Variants in CDC16 observed in about 807,000 individuals in gnomAD.
CDC16 encodes the protein cell division cycle 16.
In CDC16, 34 loss-of-function variants were observed where a neutral mutation model predicts 87.0. The ratio of observed to expected loss-of-function variants is 0.39; its 90% CI spans 0.30 to 0.52. The LOEUF is 0.52. Among genes scored for constraint, CDC16 ranks in the 20% least tolerant of loss-of-function variants. The pLI is 0.74. For synonymous variants in CDC16, 263 were observed against 260.6 expected (o/e 1.01, Z -0.09); for missense variants, 653 against 751.9 (o/e 0.87, Z 1.54).
chr13:114,245,130 A>G (rs568097341), intron 9 of CDC16, among the ~76,000 whole-genome samples, 161 bp downstream of exon 9: 57 of 152,328 alleles, frequency 3.7e-4, no homozygotes, highest in Admixed American at 5.9e-4. Flanking sequence ...TGTTTAGGAA[A>G]GTAGCAAATG....
intron 11 of CDC16, among the ~76,000 whole-genome samples, chr13:114,250,344 T>C (rs1190979007): frequency 6.6e-6 from 1 of 151,996 alleles, no homozygotes; most frequent in Admixed American, 6.6e-5. Context: ...AATACAAAAT[T>C]AGCCGGGCAT....
At chr13:114,252,617 C>T (rs993834916) in intron 12 of CDC16, among the ~76,000 whole-genome samples, 4 of 150,102 alleles carry the variant, frequency 2.7e-5, no homozygotes, top group Non-Finnish European at 4.4e-5. Flanking sequence ...CATATTTCCC[C>T]TATGTATCAA....
In CDC16 at chr13:114,235,129, C is replaced by G; in HGVS notation, c.45C>G (p.Asp15Glu). 1 of 1,244,428 alleles carries G rather than the reference C, an allele frequency of 8.0e-7. No homozygotes were observed. The highest frequency in any genetic ancestry group is 1.0e-6 in the Non-Finnish European group (1 of 994,336). The allele number at this position is 1,244,428 out of a possible 1,614,324, so 77.1% of individuals were successfully genotyped here. A position where few individuals can be genotyped will look rare whatever the true frequency, so the allele number is the denominator to read the frequency against. ...RLRKRVRQYL[D>E]QQQYQSALFW... ...GGAAGCGCGTCCGGCAGTACCTCGA[C>G]CAGGTGGGCGGCCCCGACTCGGGGT... Residue 15 changes from aspartate (D) to glutamate (E), a missense_variant, in exon 1 of 18, where the codon GAC (aspartate) becomes GAG (glutamate). By Grantham distance (45) the Asp-to-Glu change is conservative. Coordinates refer to ENST00000356221, the MANE Select transcript of CDC16 (RefSeq NM_001078645.3).
rs1241535105 is a variant in CDC16, at chr13:114,235,142, C to A, written c.48+10C>A. ...GCAGTACCTCGACCAGGTGGGCGGC[C>A]CCGACTCGGGGTGCGGGGCCCAGGC... On this transcript the variant is annotated intron_variant, in intron 1 of 17. Coordinates refer to ENST00000356221, the MANE Select transcript of CDC16 (RefSeq NM_001078645.3). 1.6e-6 allele frequency: 2 copies of A among 1,242,556 alleles called. No homozygotes were observed. The highest frequency in any genetic ancestry group is 3.1e-5 in the African/African-American group (2 of 64,486). The allele number at this position is 1,242,556 out of a possible 1,614,324, so 77.0% of individuals were successfully genotyped here. A position where few individuals can be genotyped will look rare whatever the true frequency, so the allele number is the denominator to read the frequency against.
rs551667283 is a variant in CDC16 at position 114,250,446 on chromosome 13, C to T, written c.972-103C>T. On this transcript the variant is annotated intron_variant, in intron 11 of 17. Coordinates refer to ENST00000356221, the MANE Select transcript of CDC16 (RefSeq NM_001078645.3). ...GGCGGAGGCTGCAGAGAGCCGAGATCGCACCACTGCACTCCAGCCTGAGCG... is the reference window on the plus strand; with the variant it reads ...GGCGGAGGCTGCAGAGAGCCGAGATTGCACCACTGCACTCCAGCCTGAGCG... 3.2e-4 allele frequency: 343 copies of T among 1,057,146 alleles called. 4 individuals are homozygous for T. Among genetic ancestry groups the T allele is most frequent in the South Asian group, 1.6e-3 (99 of 60,778 alleles). The allele number at this position is 1,057,146 out of a possible 1,614,324, so 65.5% of individuals were successfully genotyped here.
chr13:114,250,196 A>G (rs933318312), intron 11 of CDC16, among the ~76,000 whole-genome samples: 8 of 152,108 alleles, frequency 5.3e-5, no homozygotes, highest in Non-Finnish European at 1.2e-4. Flanking sequence ...CTCTAAAAAT[A>G]AAAAATAATA....
At chr13:114,243,389 A>T (rs1325380803) in intron 7 of CDC16, 41 bp downstream of exon 7, 3 of 928,348 alleles carry the variant, frequency 3.2e-6, no homozygotes, top group Non-Finnish European at 3.5e-6. Context: ...TTATGTAAAT[A>T]TCTTATTCCA....
At chr13:114,245,915 A>G (rs2081842926) in intron 9 of CDC16, 85 bp from the exon 10 acceptor site, 1 of 730,858 alleles carries the variant, frequency 1.4e-6, no homozygotes, top group Non-Finnish European at 2.3e-6. Flanking sequence ...GCAGAATTAT[A>G]TGATTGTGAA....
rs762395701 is a variant in CDC16, at chr13:114,262,993, T to C, written c.1491T>C (p.Asn497=). 6 of 1,613,906 alleles carry C rather than the reference T, an allele frequency of 3.7e-6. No individual in the cohort carries two copies. The African/African-American group carries it at 5.3e-5, about 14-fold the overall frequency. ...ACAGTCTGATGGGCAACTTTGAAAA[T>C]GCTGTGGACTACTTCCACACAGTAT... ...YIHSLMGNFE[N]AVDYFHTALG... is the part of the protein sequence containing the mutation. The change falls in exon 16 of 18, where the codon AAT becomes AAC. Residue 497 remains asparagine, a synonymous_variant. Coordinates refer to ENST00000356221, the MANE Select transcript of CDC16 (RefSeq NM_001078645.3).
intron 10 of CDC16, among the ~76,000 whole-genome samples, chr13:114,246,606 C>T (rs984537690): frequency 6.6e-6 from 1 of 152,282 alleles, no homozygotes; most frequent in Middle Eastern, 3.4e-3. Context: ...GCTAAATAGT[C>T]AGAACTCGGA....
At chr13:114,257,649 T>C (rs1385596604) in intron 13 of CDC16, among the ~76,000 whole-genome samples, 11 of 152,214 alleles carry the variant, frequency 7.2e-5, no homozygotes, top group African/African-American at 2.2e-4. Context: ...TCCTGGTCAG[T>C]GTAGGCTTTA....
In CDC16 at chr13:114,261,992, A is replaced by G. The variant is rs749899785; in HGVS notation, c.1376+44A>G. The G allele has an allele frequency of 2.2e-5, 26 of 1,201,478 alleles. No homozygotes were observed. The South Asian group carries it at 3.5e-4, about 16-fold the overall frequency. 74.4% of individuals were successfully genotyped at this position (1,201,478 alleles called of 1,614,324 possible). On this transcript the variant is annotated intron_variant, in intron 15 of 17. Coordinates refer to ENST00000356221, the MANE Select transcript of CDC16 (RefSeq NM_001078645.3). Reference sequence around the variant, plus strand: ...TTTCAGAAATATACTTTGTGTCTCAAAGTTTACTTAATTTTGAATACTTTG... The same window carrying G: ...TTTCAGAAATATACTTTGTGTCTCAGAGTTTACTTAATTTTGAATACTTTG...
At chr13:114,257,498 AGT>A (rs1242464830) in intron 13 of CDC16, among the ~76,000 whole-genome samples, 2 of 152,196 alleles carry the variant, frequency 1.3e-5, no homozygotes, top group African/African-American at 2.4e-5. Context: ...CATACCCCAC[AGT>A]GTGGCTGGGG....
At position 114,252,749 on chromosome 13, in the gene CDC16, ATTAG is replaced by A. The variant is rs199817088; in HGVS notation, c.1097+2082_1097+2085del. Among the ~76,000 whole-genome samples, 1,149 of 152,344 alleles carry A rather than the reference ATTAG, an allele frequency of 7.5e-3. 7 individuals carry two copies. Among genetic ancestry groups the A allele is most frequent in the Admixed American group, 0.017 (265 of 15,298 alleles). On this transcript the variant is annotated intron_variant, in intron 12 of 17. Coordinates refer to ENST00000356221, the MANE Select transcript of CDC16 (RefSeq NM_001078645.3). ...TTGGGTTCTCAGAAACAGAATAGTT[ATTAG>A]TTAGTTCCTAGCTGGGAATCAGAAT...
At chr13:114,265,342 T>G (rs2083136298) in intron 17 of CDC16, 102 bp downstream of exon 17, 1 of 767,772 alleles carries the variant, frequency 1.3e-6, no homozygotes, top group Non-Finnish European at 2.3e-6. Flanking sequence ...TCCAAGTTCA[T>G]CTTTCTAACC....
intron 14 of CDC16, 71 bp downstream of exon 14, chr13:114,259,469 A>C: frequency 1.2e-6 from 1 of 834,168 alleles, no homozygotes; most frequent in Non-Finnish European, 1.8e-6. Context: ...GAGGAAAACA[A>C]CACAGAAATC....
chr13:114,244,831 C>T (rs957746771), intron 8 of CDC16, 59 bp from the exon 9 acceptor site: 18 of 998,910 alleles, frequency 1.8e-5, no homozygotes, highest in African/African-American at 3.2e-5. Context: ...CATAGCCGAT[C>T]GTCGTGAGTG....
chr13:114,238,967 A>G, intron 3 of CDC16, 23 bp from the exon 4 acceptor site: 1 of 1,606,828 alleles, frequency 6.2e-7, no homozygotes, highest in African/African-American at 1.3e-5. Context: ...ACCACTACTT[A>G]AACAAATTAA....
intron 12 of CDC16, among the ~76,000 whole-genome samples, chr13:114,253,625 G>A (rs1465334312): frequency 6.6e-6 from 1 of 150,590 alleles, no homozygotes; most frequent in East Asian, 2.0e-4. Flanking sequence ...AGAGGCAGAG[G>A]TTCCAATGAG....
Sources: allele counts gnomAD v4.1 joint callset (sites outside exome capture counted in the v4.1 genomes callset), GRCh38; gene constraint gnomAD v4.1.1; transcripts MANE v1.5; gene names NCBI Gene and HGNC (gene_info 2026-07-23, HGNC 2026-07-21).